POFUT2: variants seen among roughly 807,000 people sequenced by gnomAD.
The protein encoded by POFUT2 is protein O-fucosyltransferase 2.
POFUT2 carries 30 observed loss-of-function variants against 55.0 expected under a neutral mutation model. The observed-to-expected ratio is 0.55, with a 90% CI of 0.41 to 0.74. The LOEUF (loss-of-function observed/expected upper bound fraction) is 0.74. Ranked by LOEUF, POFUT2 falls within the 30% of genes least tolerant of loss-of-function variation. POFUT2 has a pLI of 0.00. For missense variants in POFUT2, 524 were observed against 562.6 expected, an observed-to-expected ratio of 0.93 and a Z score of 0.69; for synonymous variants, 267 against 231.1, an observed-to-expected ratio of 1.16 and a Z score of -1.41.
rs746030875 is a variant in POFUT2, at chr21:45,282,918, G to A, written c.528-459C>T. ...AGCCTTTAATGGCAATCGACACTTG[G>A]GACTGACAAGACCTCCATCCCTGTG... On this transcript the variant is annotated intron_variant, in intron 3 of 8. Coordinates refer to ENST00000349485, the MANE Select transcript of POFUT2 (RefSeq NM_133635.6). This position sits in a 1 kb window ranked among gnomAD's most constrained non-coding sequence, Gnocchi z 4.6. 6.3e-6 allele frequency: 3 copies of A among 473,760 alleles called. No individual in the cohort carries two copies. Among genetic ancestry groups the A allele is most frequent in the African/African-American group, 4.0e-5 (2 of 50,192 alleles). 29.3% of individuals were successfully genotyped at this position (473,760 alleles called of 1,614,324 possible). A position where few individuals can be genotyped will look rare whatever the true frequency, so the allele number is the denominator to read the frequency against.
chr21:45,282,740 A>C lies in POFUT2; in HGVS notation c.528-281T>G. 1 of 537,898 alleles carries C rather than the reference A, an allele frequency of 1.9e-6. No individual in the cohort carries two copies. 33.3% of individuals were successfully genotyped at this position (537,898 alleles called of 1,614,324 possible). ...GAGCCGGACAGAGGCAGCCCTGTGCACCTTCAGGGCCAGCCTGGCTGTGAC... is the reference window on the plus strand; with the variant it reads ...GAGCCGGACAGAGGCAGCCCTGTGCCCCTTCAGGGCCAGCCTGGCTGTGAC... On this transcript the variant is annotated intron_variant, in intron 3 of 8. Coordinates refer to ENST00000349485, the MANE Select transcript of POFUT2 (RefSeq NM_133635.6). This position sits in a 1 kb window ranked among gnomAD's most constrained non-coding sequence, Gnocchi z 4.6.
intron 4 of POFUT2, 40 bp from the exon 5 acceptor site, chr21:45,278,209 T>G (rs1197519376): frequency 6.5e-7 from 1 of 1,529,126 alleles, no homozygotes; most frequent in African/African-American, 1.4e-5. Context: ...TTATAAGAGT[T>G]AAGGATGATG....
Position 45,285,432 on chromosome 21 carries a change from C to T in POFUT2, c.382+246G>A. On this transcript the variant is annotated intron_variant, in intron 2 of 8. Transcript: ENST00000349485. This position sits in a 1 kb window ranked among gnomAD's most constrained non-coding sequence, Gnocchi z 4.9. ...GTAAGGGCGGCTCTAACTGAGGGGG[C>T]ACAAAGCTCATCCACTTCAGGTCCA... 1.9e-6 allele frequency: 1 copy of T among 533,910 alleles called. No homozygotes were observed. Among genetic ancestry groups the T allele is most frequent in the South Asian group, 1.8e-5 (1 of 56,560 alleles). 33.1% of individuals were successfully genotyped at this position (533,910 alleles called of 1,614,324 possible). A position where few individuals can be genotyped will look rare whatever the true frequency, so the allele number is the denominator to read the frequency against.
intron 2 of POFUT2, 55 bp from the exon 3 acceptor site, chr21:45,283,582 C>A (rs978123778): frequency 1.3e-5 from 21 of 1,585,604 alleles, no homozygotes; most frequent in Non-Finnish European, 1.7e-5. Context: ...AGCTCACTTA[C>A]GGGCATGCAT....
chr21:45,282,348 C>T lies in POFUT2; in HGVS notation c.638+1G>A. 1.9e-6 allele frequency: 3 copies of T among 1,602,182 alleles called. No homozygotes were observed. The highest frequency in any genetic ancestry group is 2.6e-6 in the Non-Finnish European group (3 of 1,170,020). ...GCTCCCGGGGGGCCTGGGGCACTCA[C>T]CGGGCTGATGTGTTTCTCAGCAGCA... On this transcript the variant is annotated splice_donor_variant, in intron 4 of 8. Transcript: ENST00000349485. LOFTEE classifies it high-confidence loss of function. This position sits in a 1 kb window ranked among gnomAD's most constrained non-coding sequence, Gnocchi z 4.6.
Position 45,270,440 on chromosome 21 carries a change from C to T in POFUT2, c.832-421G>A, listed in dbSNP as rs1174843880. On this transcript the variant is annotated intron_variant, in intron 6 of 8. Transcript: ENST00000349485. This position sits in a 1 kb window ranked among gnomAD's most constrained non-coding sequence, Gnocchi z 4.6. The stretch of plus-strand genomic sequence containing the variant: ...ACAGTGCCACCTCCTGGCTGGAGGC[C>T]ACCAACGCAAATGGCTACAGCAAAT... 6.6e-6 allele frequency among the ~76,000 whole-genome samples: 1 copy of T among 152,156 alleles called. No individual in the cohort carries two copies. Among genetic ancestry groups the T allele is most frequent in the Non-Finnish European group, 1.5e-5 (1 of 68,030 alleles).
Position 45,269,926 on chromosome 21 carries a change from G to T in POFUT2, c.925C>A (p.Leu309Met), listed in dbSNP as rs2093203607. 3 of 1,609,814 alleles carry T rather than the reference G, an allele frequency of 1.9e-6. No individual in the cohort carries two copies. Among genetic ancestry groups the T allele is most frequent in the Non-Finnish European group, 1.7e-6 (2 of 1,178,782 alleles). ...CGGATCTTCCTCACGGCCCCTTCCA[G>T]ACTGGGTACATCCTGTCTGTGACCC... ...IWGHRQDVPS[L>M]EGAVRKIRSL... The change falls in exon 7 of 9, where the codon CTG (leucine) becomes ATG (methionine). Residue 309 changes from leucine to methionine, a missense_variant. By Grantham distance (15) the Leu-to-Met change is conservative. This residue lies in a region of POFUT2 where 250 missense variants were observed against 318.2 expected (regional missense o/e 0.79). Coordinates refer to ENST00000349485, the MANE Select transcript of POFUT2 (RefSeq NM_133635.6).
At position 45,265,947 on chromosome 21, in the gene POFUT2, C is replaced by G; in HGVS notation, c.1137-312G>C. 7.9e-7 allele frequency: 1 copy of G among 1,259,428 alleles called. No homozygotes were observed. The highest frequency in any genetic ancestry group is 1.0e-6 in the Non-Finnish European group (1 of 986,952). The allele number at this position is 1,259,428 out of a possible 1,614,324, so 78.0% of individuals were successfully genotyped here. ...GAGCCCTCCTCTCCGTCACCAAATC[C>G]CAGGCCAGGCACGCCAGTGCAGGTC... On this transcript the variant is annotated intron_variant, in intron 8 of 8. Coordinates refer to ENST00000349485, the MANE Select transcript of POFUT2 (RefSeq NM_133635.6). This position sits in a 1 kb window ranked among gnomAD's most constrained non-coding sequence, Gnocchi z 4.6.
chr21:45,266,390 A>G, intron 8 of POFUT2: 2 of 1,213,374 alleles, frequency 1.6e-6, no homozygotes, highest in South Asian at 1.5e-5. Flanking sequence ...GGGGCCTGCC[A>G]GAGCAGGCCG....
chr21:45,266,148 C>G, intron 8 of POFUT2: 1 of 1,366,180 alleles, frequency 7.3e-7, no homozygotes, highest in Non-Finnish European at 9.8e-7. Flanking sequence ...AGGGGTTTCT[C>G]CAGACCTCAG....
rs1447347366 is a variant in POFUT2 at position 45,270,984 on chromosome 21, G to C, written c.832-965C>G. Reference sequence around the variant, plus strand: ...CAATTGTGATAATATGACAAAACAAGGTTCTATAGTACCCCCAAAAGATCA... The same window carrying C: ...CAATTGTGATAATATGACAAAACAACGTTCTATAGTACCCCCAAAAGATCA... On this transcript the variant is annotated intron_variant, in intron 6 of 8. Coordinates refer to ENST00000349485, the MANE Select transcript of POFUT2 (RefSeq NM_133635.6). The surrounding 1 kb of genome is among the most constrained non-coding windows in gnomAD (Gnocchi z 4.6). 6.6e-6 allele frequency among the ~76,000 whole-genome samples: 1 copy of C among 152,162 alleles called. No homozygotes were observed. Among genetic ancestry groups the C allele is most frequent in the Non-Finnish European group, 1.5e-5 (1 of 68,042 alleles).
Position 45,283,419 on chromosome 21 carries a change from T to G in POFUT2, c.491A>C (p.Gln164Pro), listed in dbSNP as rs758415612. 1.2e-6 allele frequency: 2 copies of G among 1,612,188 alleles called. No homozygotes were observed. Among genetic ancestry groups the G allele is most frequent in the South Asian group, 2.2e-5 (2 of 91,032 alleles). Residue 164 changes from glutamine (Q) to proline (P), a missense_variant, in exon 3 of 9, where the codon CAG (glutamine) becomes CCG (proline). By Grantham distance (76) the Gln-to-Pro change is moderately conservative. Around this residue, in one of 2 missense-constraint regions of POFUT2, gnomAD observed 274 missense variants for 244.4 expected, o/e 1.12. Transcript: ENST00000349485. ...GTGCTTGTCCTGGGAGTACAGGAGCTGATCAATACACGGCCGCTCGTCCAC... is the reference window on the plus strand; with the variant it reads ...GTGCTTGTCCTGGGAGTACAGGAGCGGATCAATACACGGCCGCTCGTCCAC... ...EKVDERPCID[Q>P]LLYSQDKHEY...
In POFUT2 at chr21:45,285,316, G is replaced by A. The variant is rs1038944578; in HGVS notation, c.382+362C>T. 1 of 343,330 alleles carries A rather than the reference G, an allele frequency of 2.9e-6. No homozygotes were observed. The allele number at this position is 343,330 out of a possible 1,614,324, so 21.3% of individuals were successfully genotyped here. ...AGACACCACGAAGCATACTCCACAC[G>A]CAGTGCGTCTTCCTGAACGTAAAAC... On this transcript the variant is annotated intron_variant, in intron 2 of 8. Coordinates refer to ENST00000349485, the MANE Select transcript of POFUT2 (RefSeq NM_133635.6). The surrounding 1 kb of genome is among the most constrained non-coding windows in gnomAD (Gnocchi z 4.9).
intron 7 of POFUT2, among the ~76,000 whole-genome samples, chr21:45,268,128 C>CGA (rs1293909579): frequency 6.6e-6 from 1 of 151,324 alleles, no homozygotes; most frequent in African/African-American, 2.4e-5. Flanking sequence ...CGAGTGCCTG[C>CGA]GATTGCAGGC....
At chr21:45,283,259 CG>C (rs947901732) in intron 3 of POFUT2, 123 bp downstream of exon 3, 8 of 430,112 alleles carry the variant, frequency 1.9e-5, no homozygotes, top group South Asian at 4.3e-5. Context: ...GCAGGGGGGG[CG>C]GGGGGCACCC....
chr21:45,279,060 G>A (rs1185091010), intron 4 of POFUT2, among the ~76,000 whole-genome samples: 1 of 152,134 alleles, frequency 6.6e-6, no homozygotes, highest in Non-Finnish European at 1.5e-5. Context: ...GGTAAAGGCT[G>A]GAATACAAAA....
Position 45,282,463 on chromosome 21 carries a change from G to A in POFUT2, c.528-4C>T. On this transcript the variant is annotated splice_region_variant and splice_polypyrimidine_tract_variant and intron_variant, in intron 3 of 8. Transcript: ENST00000349485. The surrounding 1 kb of genome is among the most constrained non-coding windows in gnomAD (Gnocchi z 4.6). ...CTCATAACCCCAAAACCATCCTCTGGAAAACAAAACCCACAGCAGCTCTAT... is the reference window on the plus strand; with the variant it reads ...CTCATAACCCCAAAACCATCCTCTGAAAAACAAAACCCACAGCAGCTCTAT... 6.4e-7 allele frequency: 1 copy of A among 1,566,534 alleles called. No individual in the cohort carries two copies. Among genetic ancestry groups the A allele is most frequent in the South Asian group, 1.1e-5 (1 of 90,150 alleles).
In POFUT2 at chr21:45,287,779, C is replaced by T. The variant is rs753276608; in HGVS notation, c.93G>A (p.Ser31=). Residue 31 remains serine (S), a synonymous_variant, in exon 1 of 9, where the codon TCG becomes TCA. Transcript: ENST00000349485. ...ASGQEFWPGQ[S]AADILSGAAS... ...CCGCCCCCGACAGAATATCGGCCGC[C>T]GATTGTCCGGGCCAGAACTCCTGGC... The T allele has an allele frequency of 6.7e-7, 1 of 1,502,746 alleles. No individual in the cohort carries two copies. The highest frequency in any genetic ancestry group is 8.9e-7 in the Non-Finnish European group (1 of 1,120,528). 93.1% of individuals were successfully genotyped at this position (1,502,746 alleles called of 1,614,324 possible).
intron 1 of POFUT2, among the ~76,000 whole-genome samples, chr21:45,286,629 CTT>C (rs766545662): frequency 6.6e-6 from 1 of 152,236 alleles, no homozygotes; most frequent in Non-Finnish European, 1.5e-5. Flanking sequence ...CCAGGACACA[CTT>C]TAAGATCACT....
Sources: allele counts gnomAD v4.1 joint callset (sites outside exome capture counted in the v4.1 genomes callset), GRCh38; gene constraint gnomAD v4.1.1; regional missense constraint gnomAD v4.1.1; non-coding constraint Gnocchi (gnomAD v3.1); transcripts MANE v1.5; gene names NCBI Gene and HGNC (gene_info 2026-07-23, HGNC 2026-07-21).